Variants in CACHD1 observed in about 807,000 individuals in gnomAD.
The protein encoded by CACHD1 is VWFA and cache domain-containing protein 1.
Under a neutral mutation model 138.7 loss-of-function variants are expected in CACHD1, and 71 were observed. The ratio of observed to expected loss-of-function variants is 0.51; its 90% CI spans 0.42 to 0.62. The LOEUF is 0.62. Ranked by LOEUF, CACHD1 falls within the 20% of genes least tolerant of loss-of-function variation. CACHD1 has a pLI of 0.00. For missense variants in CACHD1, 1,389 were observed against 1,625.3 expected (o/e 0.85, Z 2.50); for synonymous variants, 578 against 591.5 (o/e 0.98, Z 0.33).
intron 17 of CACHD1, among the ~76,000 whole-genome samples, chr1:64,672,844 CAT>C: frequency 6.6e-6 from 1 of 152,134 alleles, no homozygotes; most frequent in Middle Eastern, 3.2e-3. Flanking sequence ...ACTTCCCATT[CAT>C]ACATCTTTGC....
At chr1:64,683,650 G>T (rs1650260071) in intron 26 of CACHD1, among the ~76,000 whole-genome samples, 1 of 152,138 alleles carries the variant, frequency 6.6e-6, no homozygotes, top group Non-Finnish European at 1.5e-5. Context: ...CCAGCTAAGG[G>T]CTTGGTTCCT....
chr1:64,676,711 C>T (rs1650003758), intron 21 of CACHD1, among the ~76,000 whole-genome samples, 184 bp from the exon 22 acceptor site: 1 of 152,066 alleles, frequency 6.6e-6, no homozygotes, highest in African/African-American at 2.4e-5. Context: ...TGTATTACTT[C>T]TACTGTATAT....
intron 26 of CACHD1, 39 bp downstream of exon 26, chr1:64,682,145 C>G (rs775171581): frequency 2.6e-6 from 4 of 1,551,050 alleles, no homozygotes; most frequent in Non-Finnish European, 3.6e-6. Flanking sequence ...CCCAAGGAAC[C>G]TCATGTACTC....
At chr1:64,587,822 T>A (rs1647062919) in intron 3 of CACHD1, among the ~76,000 whole-genome samples, 1 of 152,190 alleles carries the variant, frequency 6.6e-6, no homozygotes, top group African/African-American at 2.4e-5. Context: ...AAATGCATAA[T>A]TACACCTATG....
In CACHD1 at chr1:64,675,993, T is replaced by TTAATAA. The variant is rs6143245; in HGVS notation, c.2975+52_2975+57dup. The TTAATAA allele has an allele frequency of 4.2e-3, 1,761 of 421,666 alleles. 6 individuals carry two copies. The highest frequency in any genetic ancestry group is 6.3e-3 in the Admixed American group (131 of 20,808). The allele number at this position is 421,666 out of a possible 1,614,324, so 26.1% of individuals were successfully genotyped here. On this transcript the variant is annotated intron_variant, in intron 21 of 26. Coordinates refer to ENST00000651257, the MANE Select transcript of CACHD1 (RefSeq NM_020925.4). ...CCAATGCAGAGAACCGGTAAAATAA[T>TTAATAA]TAATAATAATAATAATAATAATAAT... is the stretch of plus-strand genomic sequence containing the variant.
intron 4 of CACHD1, among the ~76,000 whole-genome samples, chr1:64,609,215 A>G (rs1309285536): frequency 1.3e-5 from 2 of 152,206 alleles, no homozygotes; most frequent in East Asian, 3.8e-4. Context: ...TACCTTTTAA[A>G]TATGCATTAG....
chr1:64,556,223 A>G (rs1316396217), intron 2 of CACHD1, among the ~76,000 whole-genome samples: 1 of 152,210 alleles, frequency 6.6e-6, no homozygotes, highest in African/African-American at 2.4e-5. Flanking sequence ...TTGAGGACTC[A>G]GTCTTCCTAA....
chr1:64,651,357 T>C (rs2100679709), intron 9 of CACHD1, among the ~76,000 whole-genome samples: 1 of 152,308 alleles, frequency 6.6e-6, no homozygotes, highest in East Asian at 1.9e-4. Context: ...CTAAATTTTT[T>C]CCCCTTGTTT....
In CACHD1 at chr1:64,491,141, A is replaced by G. The variant is rs570527567; in HGVS notation, c.198+20199A>G. 2.6e-5 allele frequency among the ~76,000 whole-genome samples: 4 copies of G among 152,306 alleles called. No individual in the cohort carries two copies. In the East Asian group the frequency reaches 7.7e-4, roughly 29 times the overall value. On this transcript the variant is annotated intron_variant, in intron 1 of 26. Coordinates refer to ENST00000651257, the MANE Select transcript of CACHD1 (RefSeq NM_020925.4). ...AAATTTGGTCAGGGGTTGCTCTCAAATGGTCCAAACTATAAACATGCAGTC... is the reference window on the plus strand; with the variant it reads ...AAATTTGGTCAGGGGTTGCTCTCAAGTGGTCCAAACTATAAACATGCAGTC...
chr1:64,558,052 C>A (rs1646811787), intron 2 of CACHD1, among the ~76,000 whole-genome samples: 1 of 152,162 alleles, frequency 6.6e-6, no homozygotes, highest in Non-Finnish European at 1.5e-5. Context: ...CCACCTCGGC[C>A]TCCCAAAGTG....
intron 12 of CACHD1, among the ~76,000 whole-genome samples, chr1:64,657,298 AC>A (rs1649296671): frequency 6.6e-6 from 1 of 152,190 alleles, no homozygotes; most frequent in African/African-American, 2.4e-5. Flanking sequence ...TCAGCTAAGA[AC>A]ATGACAGAAA....
intron 9 of CACHD1, among the ~76,000 whole-genome samples, chr1:64,650,257 AG>A (rs1649045231): frequency 6.6e-6 from 1 of 152,166 alleles, no homozygotes; most frequent in Non-Finnish European, 1.5e-5. Context: ...TGAAGCGAGC[AG>A]GCATCTCAGT....
At chr1:64,551,979 A>AT (rs1646762734) in intron 2 of CACHD1, among the ~76,000 whole-genome samples, 1 of 152,060 alleles carries the variant, frequency 6.6e-6, no homozygotes, top group South Asian at 2.1e-4. Context: ...AATTTAAGAG[A>AT]TTTTTTGTGG....
chr1:64,569,760 T>TG lies in CACHD1; in HGVS notation c.262-12395dup, dbSNP rs540625730. On this transcript the variant is annotated intron_variant, in intron 2 of 26. Coordinates refer to ENST00000651257, the MANE Select transcript of CACHD1 (RefSeq NM_020925.4). The stretch of plus-strand genomic sequence containing the variant: ...GTCTTCTTTCAGTGAAGCAGACCCT[T>TG]GAAAAAAACATGGATCTGGGCTTTT... Among the ~76,000 whole-genome samples the TG allele has an allele frequency of 4.4e-3, 216 of 48,680 alleles. 1 individual carries two copies. Among genetic ancestry groups the TG allele is most frequent in the Middle Eastern group, 0.036 (4 of 110 alleles). The allele number at this position is 48,680 out of a possible 152,430, so 31.9% of individuals were successfully genotyped here. A position where few individuals can be genotyped will look rare whatever the true frequency, so the allele number is the denominator to read the frequency against.
chr1:64,595,084 C>T (rs549084890), intron 3 of CACHD1, among the ~76,000 whole-genome samples: 4 of 152,200 alleles, frequency 2.6e-5, no homozygotes, highest in Non-Finnish European at 4.4e-5. Context: ...ACTCTTCCCT[C>T]CTCGGTGCAT....
At chr1:64,580,511 A>T (rs1443500060) in intron 2 of CACHD1, among the ~76,000 whole-genome samples, 1 of 152,208 alleles carries the variant, frequency 6.6e-6, no homozygotes, top group Non-Finnish European at 1.5e-5. Flanking sequence ...TAAATAAAAC[A>T]TCTGGTTAAT....
At chr1:64,653,952 A>G (rs1649185740) in intron 11 of CACHD1, 71 bp downstream of exon 11, 1 of 1,305,130 alleles carries the variant, frequency 7.7e-7, no homozygotes, top group Non-Finnish European at 1.1e-6. Flanking sequence ...ACATACGAGT[A>G]TTTACTACAG....
At chr1:64,641,381 A>T (rs756671405) in intron 7 of CACHD1, among the ~76,000 whole-genome samples, 3 of 152,166 alleles carry the variant, frequency 2.0e-5, no homozygotes, top group Non-Finnish European at 4.4e-5. Context: ...GTGCCTGAAG[A>T]GCCCGAAAGA....
intron 4 of CACHD1, among the ~76,000 whole-genome samples, chr1:64,610,109 A>G (rs1570414361): frequency 6.6e-6 from 1 of 152,194 alleles, no homozygotes; most frequent in South Asian, 2.1e-4. Context: ...TTTCACAAGA[A>G]CAGCATGAAG....
Sources: allele counts gnomAD v4.1 joint callset (sites outside exome capture counted in the v4.1 genomes callset), GRCh38; gene constraint gnomAD v4.1.1; transcripts MANE v1.5; gene names NCBI Gene and HGNC (gene_info 2026-07-23, HGNC 2026-07-21).